ARMC2: variants seen among roughly 807,000 people sequenced by gnomAD.
ARMC2 encodes the protein armadillo repeat containing 2.
Under a neutral mutation model 90.3 loss-of-function variants are expected in ARMC2, and 67 were observed. That is an observed-to-expected ratio of 0.74 (90% CI 0.61 to 0.91). The LOEUF is 0.91. ARMC2 is among the 40% of genes least tolerant of loss of function. The probability of loss-of-function intolerance (pLI) is 0.00; values close to 1 mark genes in which losing one functional copy is unlikely to be tolerated. For synonymous variants in ARMC2, 393 were observed against 393.0 expected (o/e 1.00, Z 0.00); for missense variants, 920 against 1,030.9 (o/e 0.89, Z 1.47).
rs571905834 is a variant in ARMC2, at chr6:108,957,358, T to C, written c.1915+4007T>C. Among the ~76,000 whole-genome samples, 8 of 152,338 alleles carry C rather than the reference T, an allele frequency of 5.3e-5. No individual in the cohort carries two copies. The South Asian group carries it at 1.7e-3, about 32-fold the overall frequency. On this transcript the variant is annotated intron_variant, in intron 13 of 17. Coordinates refer to ENST00000392644, the MANE Select transcript of ARMC2 (RefSeq NM_032131.6). ...GTCTCTGTGGATTTCCTACCTGTTT[T>C]GTCTGTGTCGGTGTGGAGTGGTGAC...
the ARMC2 span, among the ~76,000 whole-genome samples, chr6:109,043,299 C>G: frequency 3.9e-5 from 6 of 152,086 alleles, no homozygotes; most frequent in African/African-American, 1.2e-4. Context: ...AATATTTACT[C>G]TCACCACTCT....
intron 13 of ARMC2, among the ~76,000 whole-genome samples, chr6:108,957,670 A>G (rs12195728): frequency 0.13 from 19,092 of 152,096 alleles, 1,253 homozygotes; most frequent in Middle Eastern, 0.21. Flanking sequence ...ACAAGGAGTT[A>G]CTTGTACCCC....
chr6:108,976,462 T>G (rs140469702), downstream of ARMC2, among the ~76,000 whole-genome samples: 785 of 152,276 alleles, frequency 5.2e-3, 6 homozygotes, highest in African/African-American at 0.018. Flanking sequence ...TTGTTCTTTT[T>G]GCTTAGGATT....
chr6:109,049,117 T>C, the ARMC2 span, among the ~76,000 whole-genome samples: 13 of 151,882 alleles, frequency 8.6e-5, no homozygotes, highest in African/African-American at 3.1e-4. Flanking sequence ...CACATAAAAG[T>C]AGGAAAAGTT....
chr6:108,924,094 A>T (rs1170137416), intron 10 of ARMC2: 1 of 152,468 alleles, frequency 6.6e-6, no homozygotes, highest in Non-Finnish European at 1.5e-5. Context: ...ACAAGTGACA[A>T]TGCTTCTGTG....
chr6:108,908,215 C>A (rs1422807144), intron 8 of ARMC2, among the ~76,000 whole-genome samples: 1 of 152,166 alleles, frequency 6.6e-6, no homozygotes, highest in African/African-American at 2.4e-5. Flanking sequence ...ATCTGAGGCA[C>A]GCACTCCTCA....
intron 4 of ARMC2, among the ~76,000 whole-genome samples, chr6:108,871,761 G>A (rs1017712846): frequency 2.6e-5 from 4 of 152,126 alleles, no homozygotes; most frequent in Admixed American, 2.6e-4. Flanking sequence ...TTGTCTGCAT[G>A]CTCTGGGAGG....
the ARMC2 span, chr6:109,002,319 G>C: frequency 6.2e-7 from 1 of 1,613,350 alleles, no homozygotes; most frequent in Non-Finnish European, 8.5e-7. Flanking sequence ...TGTCCTAGTG[G>C]TCGAGGAATT....
At chr6:108,994,425 G>A in the ARMC2 span, 1 of 1,525,906 alleles carries the variant, frequency 6.6e-7, no homozygotes, top group Non-Finnish European at 8.9e-7. Context: ...AGTTGAGTTT[G>A]CAATAATTAT....
At position 108,961,635 on chromosome 6, in the gene ARMC2, T is replaced by C; in HGVS notation, c.1979T>C (p.Leu660Ser). 1 of 1,612,428 alleles carries C rather than the reference T, an allele frequency of 6.2e-7. No individual in the cohort carries two copies. Among genetic ancestry groups the C allele is most frequent in the Non-Finnish European group, 8.5e-7 (1 of 1,179,334 alleles). Residue 660 changes from leucine to serine, a missense_variant, in exon 14 of 18, where the codon TTA (leucine) becomes TCA (serine). Coordinates refer to ENST00000392644, the MANE Select transcript of ARMC2 (RefSeq NM_032131.6). ...AATGCTACAGCGACAATCAACAATT[T>C]ATCTTACTACCAAGTGAAGAATTCC... ...VINATATINN[L>S]SYYQVKNSII...
At chr6:108,960,056 A>T (rs954894768) in intron 13 of ARMC2, among the ~76,000 whole-genome samples, 3 of 152,144 alleles carry the variant, frequency 2.0e-5, no homozygotes, top group Non-Finnish European at 4.4e-5. Context: ...CCCAACTCTT[A>T]GATCCAACTG....
downstream of ARMC2, among the ~76,000 whole-genome samples, chr6:108,976,244 C>T (rs992711652): frequency 7.2e-5 from 11 of 152,158 alleles, no homozygotes; most frequent in Non-Finnish European, 1.6e-4. Context: ...TTTCCCAACA[C>T]CATTTATTAA....
At chr6:108,967,914 C>G (rs1317532426) in intron 17 of ARMC2, among the ~76,000 whole-genome samples, 1 of 152,192 alleles carries the variant, frequency 6.6e-6, no homozygotes, top group Non-Finnish European at 1.5e-5. Context: ...ATCTGCCTAG[C>G]CAGGTGCAGG....
chr6:108,857,770 ATCT>A (rs67469905), intron 2 of ARMC2, among the ~76,000 whole-genome samples: 38,819 of 151,824 alleles, frequency 0.26, 6,359 homozygotes, highest in Non-Finnish European at 0.35. Context: ...TATTTTATGT[ATCT>A]TCTTTAGCTT....
chr6:109,043,637 T>C, the ARMC2 span, among the ~76,000 whole-genome samples: 1 of 151,982 alleles, frequency 6.6e-6, no homozygotes, highest in Non-Finnish European at 1.5e-5. Flanking sequence ...TAGGCATAAA[T>C]CCAACAAAAT....
intron 5 of ARMC2, among the ~76,000 whole-genome samples, chr6:108,887,102 T>C (rs1406357577): frequency 1.3e-5 from 2 of 152,056 alleles, no homozygotes; most frequent in Non-Finnish European, 2.9e-5. Flanking sequence ...GAGATGTGGT[T>C]TTGCCATGTT....
chr6:108,998,792 T>C, the ARMC2 span: 12 of 1,575,854 alleles, frequency 7.6e-6, no homozygotes, highest in African/African-American at 1.4e-5. Flanking sequence ...ATTTTTGTAC[T>C]GGGGTGTGGT....
chr6:109,047,410 G>A, the ARMC2 span, among the ~76,000 whole-genome samples: 10 of 128,410 alleles, frequency 7.8e-5, no homozygotes, highest in South Asian at 2.8e-4. Flanking sequence ...CTGCCCGGCC[G>A]CCCCTACTGG....
At chr6:108,890,204 A>AC (rs1562356869) in intron 5 of ARMC2, among the ~76,000 whole-genome samples, 1,652 of 26,330 alleles carry the variant, frequency 0.063, 126 homozygotes, top group East Asian at 0.23. Flanking sequence ...AAAAAAAAAA[A>AC]AAAAAAAAAA....
Sources: gnomAD v4.1 joint callset for allele counts (sites outside exome capture counted in the v4.1 genomes callset) on GRCh38, gnomAD v4.1.1 for gene constraint, MANE v1.5 for transcripts, NCBI Gene and HGNC (gene_info 2026-07-23, HGNC 2026-07-21) for gene names.